The following RBFOX3 variants were observed in gnomAD, a reference collection of about 807,000 sequenced individuals.
The protein encoded by RBFOX3 is RNA binding fox-1 homolog 3.
A neutral mutation model predicts 48.7 loss-of-function variants in RBFOX3; 17 were observed. The observed-to-expected ratio is 0.35, with a 90% CI of 0.24 to 0.52. The LOEUF is 0.52. Ranked by LOEUF, RBFOX3 falls within the 20% of genes least tolerant of loss-of-function variation. The pLI is 0.94. For synonymous variants in RBFOX3, 212 were observed against 209.5 expected, an observed-to-expected ratio of 1.01 and a Z score of -0.10; for missense variants, 382 against 497.5, an observed-to-expected ratio of 0.77 and a Z score of 2.21.
chr17:79,176,496 C>A (rs2050571997), intron 4 of RBFOX3, among the ~76,000 whole-genome samples: 1 of 152,274 alleles, frequency 6.6e-6, no homozygotes, highest in African/African-American at 2.4e-5. Flanking sequence ...CAGAGCCGAA[C>A]TCGCTGCCCC....
intron 13 of RBFOX3, 132 bp downstream of exon 13, chr17:79,095,379 CCT>C: frequency 1.4e-6 from 1 of 725,174 alleles, no homozygotes; most frequent in South Asian, 2.0e-5. Flanking sequence ...GACCTGCTCC[CCT>C]GTCCCGACCC....
intron 1 of RBFOX3, among the ~76,000 whole-genome samples, chr17:79,564,096 A>G (rs1159257223): frequency 1.3e-5 from 2 of 152,198 alleles, no homozygotes; most frequent in Admixed American, 6.5e-5. Context: ...ACCTTACCCA[A>G]GGTCACACAG....
intron 2 of RBFOX3, among the ~76,000 whole-genome samples, chr17:79,474,254 C>A (rs1251614190): frequency 6.6e-6 from 1 of 152,194 alleles, no homozygotes; most frequent in Admixed American, 6.5e-5. Context: ...GGCCCTTGAT[C>A]ATTTTGAATC....
At position 79,383,803 on chromosome 17, in the gene RBFOX3, A is replaced by G. The variant is rs562100322; in HGVS notation, c.-174-75979T>C. On this transcript the variant is annotated intron_variant, in intron 2 of 14. Transcript: ENST00000693108. Reference sequence around the variant, plus strand: ...CCCTGCCCCTCCATCCTGGCACACAACACCCGGGAGATGCTGCTGGAAGAG... The same window carrying G: ...CCCTGCCCCTCCATCCTGGCACACAGCACCCGGGAGATGCTGCTGGAAGAG... 1.5e-3 allele frequency among the ~76,000 whole-genome samples: 232 copies of G among 152,240 alleles called. 1 individual carries two copies. The highest frequency in any genetic ancestry group is 5.5e-3 in the African/African-American group (228 of 41,540).
rs76059465 is a variant in RBFOX3 at position 79,423,292 on chromosome 17, C to T, written c.-175+59162G>A. Among the ~76,000 whole-genome samples, 70 of 152,294 alleles carry T rather than the reference C, an allele frequency of 4.6e-4. No homozygotes were observed. The East Asian group carries it at 0.01, about 22-fold the overall frequency. On this transcript the variant is annotated intron_variant, in intron 2 of 14. Coordinates refer to ENST00000693108, the MANE Select transcript of RBFOX3 (RefSeq NM_001350451.2). This position sits in a 1 kb window ranked among gnomAD's most constrained non-coding sequence, Gnocchi z 4.9. The stretch of plus-strand genomic sequence containing the variant: ...TTGTCCTGGATTCCTTGACCGTCCT[C>T]GCCACGCCCCCATCGACCAGGATGC...
At position 79,470,296 on chromosome 17, in the gene RBFOX3, A is replaced by T. The variant is rs187402663; in HGVS notation, c.-175+12158T>A. ...CATCATCCTGGCCCCGGTGGCCAAA[A>T]TGCCGTGTGTCCACTCTGCTGGACA... On this transcript the variant is annotated intron_variant, in intron 2 of 14. Coordinates refer to ENST00000693108, the MANE Select transcript of RBFOX3 (RefSeq NM_001350451.2). Among the ~76,000 whole-genome samples, 736 of 152,270 alleles carry T rather than the reference A, an allele frequency of 4.8e-3. 8 individuals are homozygous for T. Among genetic ancestry groups the T allele is most frequent in the African/African-American group, 0.017 (699 of 41,554 alleles).
intron 6 of RBFOX3, 64 bp from the exon 7 acceptor site, chr17:79,104,190 C>T (rs1246693631): frequency 4.4e-6 from 6 of 1,356,144 alleles, no homozygotes; most frequent in Non-Finnish European, 5.2e-6. Flanking sequence ...GACTGCTGGC[C>T]CAGCTGCCCG....
At chr17:79,145,285 G>A (rs938498878) in intron 4 of RBFOX3, among the ~76,000 whole-genome samples, 2 of 152,220 alleles carry the variant, frequency 1.3e-5, no homozygotes, top group Non-Finnish European at 2.9e-5. Context: ...TGACTCAGTG[G>A]TATGGGATGG....
At chr17:79,185,110 G>A (rs747596193) in intron 4 of RBFOX3, among the ~76,000 whole-genome samples, 5 of 151,890 alleles carry the variant, frequency 3.3e-5, no homozygotes, top group Non-Finnish European at 5.9e-5. Context: ...CATCTTCTTC[G>A]TAGAGGAGCT....
the RBFOX3 span, among the ~76,000 whole-genome samples, chr17:79,637,461 A>AG: frequency 3.0e-3 from 463 of 152,076 alleles, no homozygotes; most frequent in African/African-American, 0.01. Flanking sequence ...TGGGAGGCTG[A>AG]GGGGGGTGGA....
intron 2 of RBFOX3, among the ~76,000 whole-genome samples, chr17:79,357,247 AAG>A (rs575433856): frequency 8.7e-4 from 133 of 152,370 alleles, no homozygotes; most frequent in African/African-American, 2.9e-3. Flanking sequence ...TTTAAGCAGA[AAG>A]AGCGCCACTT....
chr17:79,616,258 G>A, the RBFOX3 span, among the ~76,000 whole-genome samples: 22 of 152,120 alleles, frequency 1.4e-4, no homozygotes, highest in African/African-American at 4.8e-4. Flanking sequence ...TCTCTCGGCC[G>A]GGCACGGTGG....
At chr17:79,574,960 C>T (rs1245367251) in intron 1 of RBFOX3, among the ~76,000 whole-genome samples, 12 of 152,196 alleles carry the variant, frequency 7.9e-5, no homozygotes, top group Non-Finnish European at 1.6e-4. Context: ...CCAGCTCCTG[C>T]GTGATGCCGC....
intron 2 of RBFOX3, among the ~76,000 whole-genome samples, chr17:79,450,186 C>T (rs545158224): frequency 2.7e-4 from 41 of 152,338 alleles, no homozygotes; most frequent in African/African-American, 7.9e-4. Context: ...AAAAGTCACC[C>T]GTGGGTGTAC....
chr17:79,560,725 T>G (rs903336649), intron 1 of RBFOX3, among the ~76,000 whole-genome samples: 2 of 152,022 alleles, frequency 1.3e-5, no homozygotes, highest in Non-Finnish European at 2.9e-5. Context: ...CATCCACAGA[T>G]GCCCCCACCC....
At chr17:79,094,294 C>T (rs1453043229) in intron 14 of RBFOX3, 157 bp downstream of exon 14, 3 of 525,114 alleles carry the variant, frequency 5.7e-6, no homozygotes, top group South Asian at 5.8e-5. Flanking sequence ...GGGGCCAGCC[C>T]TCCCCTCACC....
intron 4 of RBFOX3, among the ~76,000 whole-genome samples, chr17:79,146,731 C>T (rs1355971160): frequency 6.6e-6 from 1 of 152,198 alleles, no homozygotes; most frequent in East Asian, 1.9e-4. Flanking sequence ...AAAAGCTTCT[C>T]CATGGGGGCC....
At chr17:79,649,255 C>T in the RBFOX3 span, among the ~76,000 whole-genome samples, 1 of 152,182 alleles carries the variant, frequency 6.6e-6, no homozygotes, top group South Asian at 2.1e-4. Flanking sequence ...GCTGGGATTA[C>T]AGGTGTGAGC....
chr17:79,148,590 A>C (rs2043582531), intron 4 of RBFOX3, among the ~76,000 whole-genome samples: 1 of 152,222 alleles, frequency 6.6e-6, no homozygotes, highest in African/African-American at 2.4e-5. Flanking sequence ...TCCGCTTCCT[A>C]GTCTTCAACT....
Sources: gnomAD v4.1 joint callset for allele counts (sites outside exome capture counted in the v4.1 genomes callset) on GRCh38, gnomAD v4.1.1 for gene constraint, Gnocchi (gnomAD v3.1) non-coding constraint, MANE v1.5 for transcripts, NCBI Gene and HGNC (gene_info 2026-07-23, HGNC 2026-07-21) for gene names.